The following COP1 variants were observed in gnomAD, a reference collection of about 807,000 sequenced individuals.
COP1 encodes COP1 E3 ubiquitin ligase.
A neutral mutation model predicts 101.3 loss-of-function variants in COP1; 24 were observed. That is an observed-to-expected ratio of 0.24 (90% CI 0.17 to 0.33). COP1 has a LOEUF of 0.33. Among genes scored for constraint, COP1 ranks in the 10% least tolerant of loss-of-function variants. COP1 has a pLI of 1.00. For synonymous variants in COP1, 347 were observed against 341.9 expected, an observed-to-expected ratio of 1.01 and a Z score of -0.17; for missense variants, 663 against 906.2, an observed-to-expected ratio of 0.73 and a Z score of 3.45.
chr1:175,994,698 T>C (rs1371746769), intron 15 of COP1, among the ~76,000 whole-genome samples: 1 of 152,244 alleles, frequency 6.6e-6, no homozygotes, highest in African/African-American at 2.4e-5. Context: ...GAGCTAACTA[T>C]GCTAAATATA....
At chr1:176,144,261 TATTTTTAAAAATCTCC>T (rs1196397120) in intron 6 of COP1, among the ~76,000 whole-genome samples, 3 of 152,186 alleles carry the variant, frequency 2.0e-5, no homozygotes, top group Non-Finnish European at 4.4e-5. Flanking sequence ...GGTTGCTGGA[TATTTTTAAAAATCTCC>T]ATGTAAAACC....
At chr1:176,079,461 C>T (rs1253218973) in intron 11 of COP1, among the ~76,000 whole-genome samples, 2 of 151,936 alleles carry the variant, frequency 1.3e-5, no homozygotes, top group African/African-American at 2.4e-5. Context: ...GGGAACAACA[C>T]ATACCGGGGA....
intron 18 of COP1, among the ~76,000 whole-genome samples, chr1:175,948,397 A>G (rs1389184384): frequency 1.3e-5 from 2 of 152,204 alleles, no homozygotes; most frequent in Non-Finnish European, 2.9e-5. Context: ...AGAGAGAAAA[A>G]CGAAGTCCAA....
intron 8 of COP1, among the ~76,000 whole-genome samples, chr1:176,117,237 GAACT>G (rs1328144792): frequency 6.6e-6 from 1 of 152,048 alleles, no homozygotes; most frequent in East Asian, 1.9e-4. Flanking sequence ...GTGAAAAACT[GAACT>G]ATCAAAAGAA....
chr1:176,165,385 T>G (rs1372940230), intron 3 of COP1, among the ~76,000 whole-genome samples: 6 of 150,118 alleles, frequency 4.0e-5, no homozygotes, highest in Non-Finnish European at 7.4e-5. Flanking sequence ...TGTGTGTGTG[T>G]GTGTGTGTGT....
At chr1:176,083,446 A>G (rs868477857) in intron 10 of COP1, among the ~76,000 whole-genome samples, 6 of 152,192 alleles carry the variant, frequency 3.9e-5, no homozygotes, top group Admixed American at 2.6e-4. Context: ...ATCTGAAAGT[A>G]TAGTAATTGA....
intron 18 of COP1, among the ~76,000 whole-genome samples, chr1:175,959,233 A>G (rs1413340149): frequency 2.6e-5 from 4 of 152,034 alleles, no homozygotes; most frequent in African/African-American, 9.7e-5. Context: ...AATAGGTACA[A>G]AAAAGCAGTA....
intron 9 of COP1, 21 bp downstream of exon 9, chr1:176,116,603 G>T: frequency 6.3e-7 from 1 of 1,580,008 alleles, no homozygotes; most frequent in Non-Finnish European, 8.7e-7. Context: ...TATCATTAAA[G>T]CAAACAAAGA....
chr1:176,172,276 G>A (rs909143962), intron 3 of COP1, among the ~76,000 whole-genome samples: 3 of 152,134 alleles, frequency 2.0e-5, no homozygotes, highest in Admixed American at 6.6e-5. Context: ...TCATGGCCTC[G>A]AATAAGCCTC....
At chr1:175,994,022 C>T (rs1164532321) in intron 15 of COP1, among the ~76,000 whole-genome samples, 1 of 152,144 alleles carries the variant, frequency 6.6e-6, no homozygotes, top group African/African-American at 2.4e-5. Flanking sequence ...CAAAGGGAAG[C>T]CCATCAGACT....
Position 176,207,025 on chromosome 1 carries a change from G to A in COP1, c.-47C>T. The A allele has an allele frequency of 7.5e-7, 1 of 1,335,988 alleles. No individual in the cohort carries two copies. Among genetic ancestry groups the A allele is most frequent in the South Asian group, 1.8e-5 (1 of 56,234 alleles). The allele number at this position is 1,335,988 out of a possible 1,614,324, so 82.8% of individuals were successfully genotyped here. A position where few individuals can be genotyped will look rare whatever the true frequency, so the allele number is the denominator to read the frequency against. Reference sequence around the variant, plus strand: ...CGGGCGCTCGGAGGAGAGGGACCGCGACCTCGACCCTCCGCCGCCTCCCCT... The same window carrying A: ...CGGGCGCTCGGAGGAGAGGGACCGCAACCTCGACCCTCCGCCGCCTCCCCT... On this transcript the variant is annotated 5_prime_UTR_variant, in exon 1 of 20. Coordinates refer to ENST00000367669, the MANE Select transcript of COP1 (RefSeq NM_022457.7).
chr1:176,095,281 A>G (rs373790941), intron 9 of COP1, among the ~76,000 whole-genome samples: 1 of 152,262 alleles, frequency 6.6e-6, no homozygotes, highest in Admixed American at 6.5e-5. Flanking sequence ...AATTTAGAAT[A>G]GTGGTTATCA....
At chr1:176,067,401 C>T (rs542465968) in intron 11 of COP1, among the ~76,000 whole-genome samples, 11 of 152,220 alleles carry the variant, frequency 7.2e-5, no homozygotes, top group Admixed American at 1.3e-4. Flanking sequence ...ATAAAAACTC[C>T]GACACCCTAG....
chr1:176,042,364 C>T (rs1313105435), intron 14 of COP1, among the ~76,000 whole-genome samples: 2 of 147,994 alleles, frequency 1.4e-5, no homozygotes, highest in Non-Finnish European at 3.0e-5. Context: ...CAGTTTGATA[C>T]CAGTCTGGCT....
At chr1:175,970,417 A>T (rs2148601066) in intron 18 of COP1, among the ~76,000 whole-genome samples, 1 of 152,318 alleles carries the variant, frequency 6.6e-6, no homozygotes, top group South Asian at 2.1e-4. Flanking sequence ...AAGTAGGTGA[A>T]CTGTGTTAGA....
chr1:176,002,756 T>C (rs1409970685), intron 15 of COP1, among the ~76,000 whole-genome samples: 2 of 145,798 alleles, frequency 1.4e-5, no homozygotes, highest in Admixed American at 6.9e-5. Flanking sequence ...CAGTCTATCA[T>C]TGTTGGACAT....
intron 15 of COP1, among the ~76,000 whole-genome samples, chr1:175,990,668 G>A (rs1184447223): frequency 2.6e-5 from 4 of 151,996 alleles, no homozygotes; most frequent in Non-Finnish European, 4.4e-5. Flanking sequence ...TTTGTTTTGA[G>A]GTGTGTTGAT....
intron 11 of COP1, among the ~76,000 whole-genome samples, chr1:176,068,721 T>G (rs954324732): frequency 6.6e-6 from 1 of 152,212 alleles, no homozygotes; most frequent in African/African-American, 2.4e-5. Context: ...AAATTACTAG[T>G]TGCACTCTAA....
rs557084450 is a variant in COP1 at position 176,177,494 on chromosome 1, A to T, written c.468-1487T>A. ...CATTTAAAATAAACCACAAAAGACA[A>T]TCCCCACAATGTTAACAGTATTTGT... On this transcript the variant is annotated intron_variant, in intron 2 of 19. Transcript: ENST00000367669. 4.6e-5 allele frequency among the ~76,000 whole-genome samples: 7 copies of T among 152,224 alleles called. No individual in the cohort carries two copies. In the East Asian group the frequency reaches 9.6e-4, roughly 21 times the overall value.
Sources: gnomAD v4.1 joint callset for allele counts (sites outside exome capture counted in the v4.1 genomes callset) on GRCh38, gnomAD v4.1.1 for gene constraint, MANE v1.5 for transcripts, NCBI Gene and HGNC (gene_info 2026-07-23, HGNC 2026-07-21) for gene names.